Variants in RPH3A observed in about 807,000 individuals in gnomAD.
RPH3A encodes the protein rabphilin 3A.
RPH3A carries 48 observed loss-of-function variants against 102.2 expected under a neutral mutation model. The ratio of observed to expected loss-of-function variants is 0.47; its 90% CI spans 0.37 to 0.60. The LOEUF is 0.60. Ranked by LOEUF, RPH3A falls within the 20% of genes least tolerant of loss-of-function variation. The pLI, the probability that RPH3A is intolerant of heterozygous loss-of-function variation, is 0.00. For synonymous variants in RPH3A, 310 were observed against 324.3 expected, an observed-to-expected ratio of 0.96 and a Z score of 0.47; for missense variants, 781 against 910.1, an observed-to-expected ratio of 0.86 and a Z score of 1.83.
intron 1 of RPH3A, among the ~76,000 whole-genome samples, chr12:112,775,504 G>A (rs2040960190): frequency 6.6e-6 from 1 of 152,170 alleles, no homozygotes; most frequent in Non-Finnish European, 1.5e-5. Context: ...CCTTTATATT[G>A]TCTTGGATGA....
intron 1 of RPH3A, among the ~76,000 whole-genome samples, chr12:112,700,741 T>C (rs1436733738): frequency 2.0e-5 from 3 of 152,238 alleles, no homozygotes; most frequent in African/African-American, 4.8e-5. Context: ...TGGCTTTCCT[T>C]GGCATTTCAA....
chr12:112,579,110 A>G (rs2039378837), intron 1 of RPH3A, among the ~76,000 whole-genome samples: 1 of 152,104 alleles, frequency 6.6e-6, no homozygotes, highest in Non-Finnish European at 1.5e-5. Context: ...AGCCTCCCCC[A>G]ATCCCATGGT....
intron 2 of RPH3A, chr12:112,813,329 A>G (rs527797944): frequency 2.4e-4 from 37 of 152,360 alleles, no homozygotes; most frequent in African/African-American, 8.2e-4. Context: ...CAGGGGCAAG[A>G]AGAGGAGAAG....
intron 1 of RPH3A, among the ~76,000 whole-genome samples, chr12:112,682,351 C>CTTTTTTTTTTTTT (rs1314037530): frequency 1.3e-5 from 1 of 77,682 alleles, no homozygotes; most frequent in African/African-American, 5.7e-5. Context: ...TTTTTTCTTT[C>CTTTTTTTTTTTTT]TTTCTTTTTT....
chr12:112,808,938 G>A (rs2041519627), intron 2 of RPH3A, among the ~76,000 whole-genome samples: 1 of 152,146 alleles, frequency 6.6e-6, no homozygotes, highest in Admixed American at 6.6e-5. Flanking sequence ...AACACCTGGG[G>A]AACTTTAGCA....
chr12:112,870,525 G>A (rs568415855), intron 10 of RPH3A, among the ~76,000 whole-genome samples: 1 of 152,088 alleles, frequency 6.6e-6, no homozygotes, highest in Non-Finnish European at 1.5e-5. Context: ...GGTTTATTTG[G>A]TAAGAGTGCC....
chr12:112,892,231 T>C (rs1014093211), intron 19 of RPH3A, among the ~76,000 whole-genome samples: 1 of 152,156 alleles, frequency 6.6e-6, no homozygotes, highest in Non-Finnish European at 1.5e-5. Flanking sequence ...GGCCTCAGTG[T>C]GCTCATCTGC....
At chr12:112,775,711 C>A (rs938481025) in intron 1 of RPH3A, among the ~76,000 whole-genome samples, 1 of 152,048 alleles carries the variant, frequency 6.6e-6, no homozygotes, top group Non-Finnish European at 1.5e-5. Flanking sequence ...GAATGAACTT[C>A]AAATATAGCA....
chr12:112,612,530 G>C (rs2039646772), intron 1 of RPH3A, among the ~76,000 whole-genome samples: 1 of 150,018 alleles, frequency 6.7e-6, no homozygotes, highest in Non-Finnish European at 1.5e-5. Flanking sequence ...CCTAGGAAGA[G>C]TGTCTGGGCC....
At chr12:112,765,697 C>T (rs1443729954) in intron 1 of RPH3A, among the ~76,000 whole-genome samples, 1 of 152,202 alleles carries the variant, frequency 6.6e-6, no homozygotes, top group Non-Finnish European at 1.5e-5. Flanking sequence ...TATAAACCTT[C>T]CATAAATACT....
intron 2 of RPH3A, among the ~76,000 whole-genome samples, chr12:112,797,415 C>T (rs1343970278): frequency 6.6e-6 from 1 of 152,134 alleles, no homozygotes; most frequent in African/African-American, 2.4e-5. Flanking sequence ...GTGGATGTTG[C>T]TGGATTTACA....
At chr12:112,712,667 G>A (rs1161467882) in intron 1 of RPH3A, among the ~76,000 whole-genome samples, 2 of 151,806 alleles carry the variant, frequency 1.3e-5, no homozygotes, top group African/African-American at 4.8e-5. Flanking sequence ...GTGTGTGTGT[G>A]TGTGTATGTG....
intron 1 of RPH3A, among the ~76,000 whole-genome samples, chr12:112,750,983 G>A (rs1178093473): frequency 6.6e-6 from 1 of 152,144 alleles, no homozygotes; most frequent in Non-Finnish European, 1.5e-5. Flanking sequence ...GAGACAGATG[G>A]AAGAGGAAGC....
At chr12:112,595,729 G>A (rs539101375) in intron 1 of RPH3A, among the ~76,000 whole-genome samples, 1 of 152,146 alleles carries the variant, frequency 6.6e-6, no homozygotes, top group Admixed American at 6.6e-5. Flanking sequence ...CATTATGTGA[G>A]TTAATGATTA....
intron 1 of RPH3A, among the ~76,000 whole-genome samples, chr12:112,786,517 C>T (rs906450031): frequency 6.6e-6 from 1 of 152,198 alleles, no homozygotes; most frequent in Non-Finnish European, 1.5e-5. Flanking sequence ...CTGACAGTAG[C>T]ATTTCCCTGG....
At chr12:112,668,733 G>A (rs966155584) in intron 1 of RPH3A, among the ~76,000 whole-genome samples, 2 of 151,956 alleles carry the variant, frequency 1.3e-5, no homozygotes, top group African/African-American at 4.8e-5. Context: ...TAGATGATGG[G>A]TTAATAGGTG....
chr12:112,708,357 C>G (rs1292252243), intron 1 of RPH3A, among the ~76,000 whole-genome samples: 3 of 152,154 alleles, frequency 2.0e-5, no homozygotes, highest in Non-Finnish European at 2.9e-5. Flanking sequence ...TTTGGGCTGT[C>G]CAGGCGGATG....
chr12:112,863,859 G>T (rs2042563836), intron 5 of RPH3A, among the ~76,000 whole-genome samples: 1 of 152,190 alleles, frequency 6.6e-6, no homozygotes, highest in Admixed American at 6.5e-5. Context: ...ATATGTGTGG[G>T]GAGTGAGCTG....
intron 1 of RPH3A, among the ~76,000 whole-genome samples, chr12:112,693,550 C>T (rs1473516093): frequency 6.6e-6 from 1 of 152,012 alleles, no homozygotes; most frequent in East Asian, 1.9e-4. Flanking sequence ...CAACTGCTTG[C>T]CTTCTCCTCT....
Sources: gnomAD v4.1 joint callset for allele counts (sites outside exome capture counted in the v4.1 genomes callset) on GRCh38, gnomAD v4.1.1 for gene constraint, MANE v1.5 for transcripts, NCBI Gene and HGNC (gene_info 2026-07-23, HGNC 2026-07-21) for gene names.